The following TTLL7 variants were observed in gnomAD, a reference collection of about 807,000 sequenced individuals.
TTLL7 encodes tubulin polyglutamylase TTLL7.
Under a neutral mutation model 120.2 loss-of-function variants are expected in TTLL7, and 53 were observed. The ratio of observed to expected loss-of-function variants is 0.44; its 90% CI spans 0.35 to 0.55. The LOEUF (loss-of-function observed/expected upper bound fraction) is 0.55. TTLL7 is among the 20% of genes least tolerant of loss of function. The pLI is 0.00. For missense variants in TTLL7, 803 were observed against 1,054.7 expected (o/e 0.76, Z 3.31); for synonymous variants, 353 against 351.7 (o/e 1.00, Z -0.04).
intron 19 of TTLL7, among the ~76,000 whole-genome samples, chr1:83,889,377 C>T (rs1320893398): frequency 6.6e-6 from 1 of 151,994 alleles, no homozygotes; most frequent in Non-Finnish European, 1.5e-5. Flanking sequence ...GGTGGGGACA[C>T]AGAGAAACCA....
chr1:83,912,222 G>A (rs1219593800), intron 14 of TTLL7, among the ~76,000 whole-genome samples: 2 of 152,186 alleles, frequency 1.3e-5, no homozygotes, highest in East Asian at 3.9e-4. Context: ...AATAGAGAAT[G>A]GAAGATCTGT....
At chr1:83,888,607 G>A (rs752001991) in intron 19 of TTLL7, among the ~76,000 whole-genome samples, 8 of 151,892 alleles carry the variant, frequency 5.3e-5, no homozygotes, top group Non-Finnish European at 1.2e-4. Flanking sequence ...AATACAGAGG[G>A]TACAGAAGTT....
chr1:83,918,200 T>C (rs1658351070), intron 13 of TTLL7, among the ~76,000 whole-genome samples: 1 of 152,194 alleles, frequency 6.6e-6, no homozygotes, highest in African/African-American at 2.4e-5. Flanking sequence ...TTTTAATGAT[T>C]GCACAAAGTA....
intron 1 of TTLL7, among the ~76,000 whole-genome samples, chr1:83,993,206 C>T (rs929701289): frequency 1.3e-5 from 2 of 152,142 alleles, no homozygotes; most frequent in African/African-American, 4.8e-5. Flanking sequence ...TCCTACCTTA[C>T]ATGAGAGATA....
intron 1 of TTLL7, among the ~76,000 whole-genome samples, chr1:83,958,596 A>T (rs1014345834): frequency 6.6e-6 from 1 of 152,166 alleles, no homozygotes; most frequent in Non-Finnish European, 1.5e-5. Flanking sequence ...CCATTTTTGT[A>T]TTATTAATTT....
chr1:83,958,141 C>CT (rs1375396908), intron 1 of TTLL7, among the ~76,000 whole-genome samples: 9 of 152,118 alleles, frequency 5.9e-5, no homozygotes, highest in Admixed American at 5.9e-4. Context: ...GTGCCAGGCA[C>CT]TTTTTGAGGT....
At chr1:83,958,571 T>C (rs1649734665) in intron 1 of TTLL7, among the ~76,000 whole-genome samples, 4 of 152,206 alleles carry the variant, frequency 2.6e-5, no homozygotes, top group Non-Finnish European at 5.9e-5. Context: ...TATCAGGTCA[T>C]GAATGAAATT....
intron 6 of TTLL7, among the ~76,000 whole-genome samples, chr1:83,946,603 C>G (rs1413411253): frequency 6.6e-6 from 1 of 152,132 alleles, no homozygotes; most frequent in Non-Finnish European, 1.5e-5. Flanking sequence ...GTTAACATGT[C>G]CAGCTCTTGG....
At position 83,943,435 on chromosome 1, in the gene TTLL7, C is replaced by G. The variant is rs147135287; in HGVS notation, c.507-756G>C. On this transcript the variant is annotated intron_variant, in intron 6 of 20. Coordinates refer to ENST00000260505, the MANE Select transcript of TTLL7 (RefSeq NM_024686.6). Reference sequence around the variant, plus strand: ...TACAAGCAGGAAGTTAAGGCTAAGGCAGAGTTGTAAATTATTTGTTTGCAT... The same window carrying G: ...TACAAGCAGGAAGTTAAGGCTAAGGGAGAGTTGTAAATTATTTGTTTGCAT... Among the ~76,000 whole-genome samples the G allele has an allele frequency of 5.9e-5, 9 of 152,282 alleles. No homozygotes were observed. The East Asian group carries it at 1.7e-3, about 29-fold the overall frequency.
At chr1:83,971,571 G>A (rs1240952651) in intron 1 of TTLL7, among the ~76,000 whole-genome samples, 1 of 152,046 alleles carries the variant, frequency 6.6e-6, no homozygotes, top group Non-Finnish European at 1.5e-5. Context: ...ATGCCACTCA[G>A]TTTCCTACTG....
intron 1 of TTLL7, among the ~76,000 whole-genome samples, chr1:83,992,494 C>T (rs899979543): frequency 1.3e-5 from 2 of 152,018 alleles, no homozygotes; most frequent in Non-Finnish European, 2.9e-5. Flanking sequence ...CTCTTATTTA[C>T]ATATGACAGC....
rs190369628 is a variant in TTLL7, at chr1:83,921,394, C to T, written c.1143G>A (p.Arg381=). ...LLNALKLLNI[R]TSDKRRNLAK... is the part of the protein sequence containing the mutation. ...CCAAGTTTCTTCTTTTGTCACTGGT[C>T]CTAAAATATAAAACATAAGACCATA... is the stretch of plus-strand genomic sequence containing the variant. Residue 381 remains arginine (R), a splice_region_variant and synonymous_variant, in exon 11 of 21, where the codon AGG becomes AGA. Coordinates refer to ENST00000260505, the MANE Select transcript of TTLL7 (RefSeq NM_024686.6). 2.4e-5 allele frequency: 39 copies of T among 1,610,274 alleles called. No individual in the cohort carries two copies. The highest frequency in any genetic ancestry group is 4.5e-4 in the Middle Eastern group (2 of 4,484).
intron 20 of TTLL7, 64 bp from the exon 21 acceptor site, chr1:83,870,146 T>C: frequency 1.4e-6 from 2 of 1,442,948 alleles, no homozygotes; most frequent in Middle Eastern, 3.9e-4. Flanking sequence ...ACTAAAGGGT[T>C]ATGTGGTTAG....
rs146700829 is a variant in TTLL7, at chr1:83,973,001, T to C, written c.-176-20614A>G. Among the ~76,000 whole-genome samples, 461 of 152,184 alleles carry C rather than the reference T, an allele frequency of 3.0e-3. 2 individuals carry two copies. Among genetic ancestry groups the C allele is most frequent in the African/African-American group, 0.01 (427 of 41,550 alleles). On this transcript the variant is annotated intron_variant, in intron 1 of 20. Coordinates refer to ENST00000260505, the MANE Select transcript of TTLL7 (RefSeq NM_024686.6). ...TGTCAGATGTGTCTTTTGCAAATAT[T>C]TTCTCCCAGTATATGACCTGTCTTC... is the stretch of plus-strand genomic sequence containing the variant.
At chr1:83,965,446 G>T (rs1404078922) in intron 1 of TTLL7, among the ~76,000 whole-genome samples, 1 of 152,006 alleles carries the variant, frequency 6.6e-6, no homozygotes, top group Admixed American at 6.6e-5. Context: ...CAAGTTTCCC[G>T]AGGCCTCCCA....
intron 1 of TTLL7, chr1:83,980,250 A>G (rs1176689876): frequency 6.6e-6 from 1 of 152,136 alleles, no homozygotes; most frequent in Non-Finnish European, 1.5e-5. Context: ...CTTGCCTATT[A>G]TATTTGTGCA....
chr1:83,984,002 G>A (rs1209303758), intron 1 of TTLL7: 1 of 152,012 alleles, frequency 6.6e-6, no homozygotes, highest in Non-Finnish European at 1.5e-5. Context: ...GAGATAGAAG[G>A]ACTGCTTCAG....
chr1:83,884,089 A>G (rs1654753558), intron 19 of TTLL7, among the ~76,000 whole-genome samples: 1 of 151,612 alleles, frequency 6.6e-6, no homozygotes, highest in African/African-American at 2.4e-5. Flanking sequence ...TCATGGCATC[A>G]TGGTTTATAT....
chr1:83,888,149 C>G (rs1036289513), intron 19 of TTLL7, among the ~76,000 whole-genome samples: 2 of 151,962 alleles, frequency 1.3e-5, no homozygotes, highest in African/African-American at 2.4e-5. Flanking sequence ...GACTCAGAGC[C>G]ACAGCATTGA....
Sources: gnomAD v4.1 joint callset for allele counts (sites outside exome capture counted in the v4.1 genomes callset) on GRCh38, gnomAD v4.1.1 for gene constraint, MANE v1.5 for transcripts, NCBI Gene and HGNC (gene_info 2026-07-23, HGNC 2026-07-21) for gene names.